The following TRIP12 variants were observed in gnomAD, a reference collection of about 807,000 sequenced individuals.
The protein encoded by TRIP12 is thyroid hormone receptor interactor 12.
TRIP12 carries 25 observed loss-of-function variants against 244.2 expected under a neutral mutation model. The ratio of observed to expected loss-of-function variants is 0.10; its 90% CI spans 0.07 to 0.14. The LOEUF (loss-of-function observed/expected upper bound fraction) is 0.14. Ranked by LOEUF, TRIP12 falls within the 10% of genes least tolerant of loss-of-function variation. TRIP12 has a pLI of 1.00. For missense variants in TRIP12, 1,677 were observed against 2,486.4 expected (o/e 0.67, Z 6.92); for synonymous variants, 905 against 873.1 (o/e 1.04, Z -0.64).
In TRIP12 at chr2:229,831,125, T is replaced by C. The variant is rs1415627287; in HGVS notation, c.1271-286A>G. The stretch of plus-strand genomic sequence containing the variant: ...TGTGCCGTTGAAACTGTTCTTTAAT[T>C]AAGATGTCCTGAATCCCTCTTCTGA... On this transcript the variant is annotated intron_variant, in intron 6 of 41. Transcript: ENST00000675903. 7 of 715,658 alleles carry C rather than the reference T, an allele frequency of 9.8e-6. No homozygotes were observed. The Admixed American group carries it at 1.0e-4, about 10-fold the overall frequency. 44.3% of individuals were successfully genotyped at this position (715,658 alleles called of 1,614,324 possible). A position where few individuals can be genotyped will look rare whatever the true frequency, so the allele number is the denominator to read the frequency against.
intron 31 of TRIP12, 90 bp from the exon 32 acceptor site, chr2:229,789,030 A>G: frequency 8.2e-7 from 1 of 1,225,152 alleles, no homozygotes; most frequent in Non-Finnish European, 1.1e-6. Flanking sequence ...AAGTCCATGC[A>G]AAGTACCCTG....
At chr2:229,863,870 T>C (rs2060884596) in intron 2 of TRIP12, among the ~76,000 whole-genome samples, 2 of 152,200 alleles carry the variant, frequency 1.3e-5, no homozygotes, top group Non-Finnish European at 1.5e-5. Context: ...AGCATAATCT[T>C]TTTAAAACCT....
At chr2:229,920,651 TCTC>T (rs1176739626) in intron 1 of TRIP12, among the ~76,000 whole-genome samples, 1 of 152,172 alleles carries the variant, frequency 6.6e-6, no homozygotes, top group African/African-American at 2.4e-5. Context: ...CCTTCCGTTA[TCTC>T]CTCACCACGT....
In TRIP12 at chr2:229,828,342, GTT is replaced by G. The variant is rs142458584; in HGVS notation, c.1450+849_1450+850del. Among the ~76,000 whole-genome samples the G allele has an allele frequency of 1.9e-4, 26 of 136,912 alleles. No individual in the cohort carries two copies. The East Asian group carries it at 2.9e-3, about 15-fold the overall frequency. The allele number at this position is 136,912 out of a possible 152,430, so 89.8% of individuals were successfully genotyped here. On this transcript the variant is annotated intron_variant, in intron 8 of 41. Coordinates refer to ENST00000675903, the MANE Select transcript of TRIP12 (RefSeq NM_001348323.3). ...TAGGGACCCCCTGCAACAGTGATTT[GTT>G]TTTTTTTTTTTTCCTTTCCAGGCTT...
At chr2:229,909,089 CA>C (rs11390500) in intron 1 of TRIP12, among the ~76,000 whole-genome samples, 87 of 110,678 alleles carry the variant, frequency 7.9e-4, no homozygotes, top group African/African-American at 1.8e-3. Flanking sequence ...GACTCTGTCT[CA>C]AAAAAAAAAA....
intron 37 of TRIP12, among the ~76,000 whole-genome samples, chr2:229,776,395 C>A (rs188558276): frequency 6.6e-6 from 1 of 152,262 alleles, no homozygotes; most frequent in East Asian, 1.9e-4. Context: ...ATGACAAATT[C>A]TGTACAGAAA....
rs2072881795 is a variant in TRIP12 at position 229,906,545 on chromosome 2, C to A, written c.-50+15335G>T. ...GACCATCCTGGCCAACATGGTGAAA[C>A]CCTGTCTCTACTAAAACTACAAAAA... On this transcript the variant is annotated intron_variant, in intron 1 of 41. Coordinates refer to ENST00000675903, the MANE Select transcript of TRIP12 (RefSeq NM_001348323.3). 2.0e-5 allele frequency among the ~76,000 whole-genome samples: 3 copies of A among 151,080 alleles called. No individual in the cohort carries two copies. In the South Asian group the frequency reaches 6.3e-4, roughly 32 times the overall value.
chr2:229,825,084 A>G (rs552318378), intron 8 of TRIP12, among the ~76,000 whole-genome samples: 5 of 152,336 alleles, frequency 3.3e-5, no homozygotes, highest in African/African-American at 1.2e-4. Flanking sequence ...TATCCCAGGA[A>G]CAGAAAGAAC....
At chr2:229,783,094 C>T (rs936579986) in intron 34 of TRIP12, among the ~76,000 whole-genome samples, 9 of 152,182 alleles carry the variant, frequency 5.9e-5, no homozygotes. Context: ...ATACAACTGG[C>T]GGGCCAAACT....
chr2:229,769,466 A>AT (rs1368333799), intron 39 of TRIP12, 141 bp from the exon 40 acceptor site: 8 of 416,008 alleles, frequency 1.9e-5, no homozygotes, highest in African/African-American at 1.7e-4. Flanking sequence ...CCAAAAAAAA[A>AT]AAAATAATAA....
chr2:229,807,932 AAAAATAATCTCACAC>A, intron 16 of TRIP12, 68 bp from the exon 17 acceptor site: 1 of 1,473,064 alleles, frequency 6.8e-7, no homozygotes, highest in Non-Finnish European at 9.1e-7. Flanking sequence ...GTCTCTAAAG[AAAAATAATCTCACAC>A]AAACCAAAAG....
intron 1 of TRIP12, among the ~76,000 whole-genome samples, chr2:229,897,819 T>C (rs753800932): frequency 6.6e-5 from 10 of 152,170 alleles, no homozygotes; most frequent in Non-Finnish European, 1.0e-4. Flanking sequence ...CATGTTTGCC[T>C]CCTCTCTCTC....
Position 229,778,538 on chromosome 2 carries a change from C to T in TRIP12, c.5259G>A (p.Ala1753=), listed in dbSNP as rs745378471. 5.1e-5 allele frequency: 82 copies of T among 1,613,902 alleles called. No individual in the cohort carries two copies. The highest frequency in any genetic ancestry group is 1.7e-4 in the Admixed American group (10 of 59,990). Residue 1753 remains alanine, a synonymous_variant, in exon 36 of 42, where the codon GCG becomes GCA. Coordinates refer to ENST00000675903, the MANE Select transcript of TRIP12 (RefSeq NM_001348323.3). The surrounding 1 kb of genome is among the most constrained non-coding windows in gnomAD (Gnocchi z 4.1). ...GCTTTGCTGTCCTACCAAAGGGAAGCGCAAACAGGCCCTGGAGGTTTTGAA... is the reference window on the plus strand; with the variant it reads ...GCTTTGCTGTCCTACCAAAGGGAAGTGCAAACAGGCCCTGGAGGTTTTGAA... ...KYIQNLQGLF[A]LPFGRTAKPA...
chr2:229,837,310 A>G (rs962553225), intron 5 of TRIP12, among the ~76,000 whole-genome samples: 3 of 152,192 alleles, frequency 2.0e-5, no homozygotes, highest in East Asian at 1.9e-4. Flanking sequence ...TTTAAAATAG[A>G]GCATCACTTC....
At chr2:229,789,490 A>C in intron 31 of TRIP12, 121 bp downstream of exon 31, 2 of 1,213,834 alleles carry the variant, frequency 1.6e-6, no homozygotes, top group East Asian at 4.9e-5. Context: ...TGATGAGTAC[A>C]TTGTACTTTA....
chr2:229,816,337 A>C (rs1422463375), intron 9 of TRIP12, among the ~76,000 whole-genome samples: 1 of 152,054 alleles, frequency 6.6e-6, no homozygotes, highest in Non-Finnish European at 1.5e-5. Flanking sequence ...AAAAAAAAAA[A>C]AAAACTATCA....
intron 38 of TRIP12, 98 bp downstream of exon 38, chr2:229,773,999 G>T: frequency 1.5e-6 from 2 of 1,305,310 alleles, no homozygotes; most frequent in Non-Finnish European, 1.1e-6. Flanking sequence ...GATGTGGAAG[G>T]TCTCAAGCCA....
chr2:229,798,560 A>C (rs973121527), intron 23 of TRIP12, among the ~76,000 whole-genome samples: 1 of 152,198 alleles, frequency 6.6e-6, no homozygotes, highest in Admixed American at 6.5e-5. Context: ...TGTGGACAGA[A>C]AATGTCAGCT....
At chr2:229,783,641 C>A (rs1313624577) in intron 34 of TRIP12, among the ~76,000 whole-genome samples, 4 of 152,160 alleles carry the variant, frequency 2.6e-5, no homozygotes, top group South Asian at 4.1e-4. Context: ...TAAGTGTACA[C>A]CACATTCATG....
Sources: gnomAD v4.1 joint callset for allele counts (sites outside exome capture counted in the v4.1 genomes callset) on GRCh38, gnomAD v4.1.1 for gene constraint, Gnocchi (gnomAD v3.1) non-coding constraint, MANE v1.5 for transcripts, NCBI Gene and HGNC (gene_info 2026-07-23, HGNC 2026-07-21) for gene names.